Variants in NLGN1 observed in about 807,000 individuals in gnomAD.
NLGN1 encodes the protein neuroligin 1.
Under a neutral mutation model 65.5 loss-of-function variants are expected in NLGN1, and 12 were observed. That is an observed-to-expected ratio of 0.18 (90% confidence interval 0.12 to 0.30). NLGN1 has a LOEUF of 0.30. Ranked by LOEUF, NLGN1 falls within the 10% of genes least tolerant of loss-of-function variation. The pLI, the probability that NLGN1 is intolerant of heterozygous loss-of-function variation, is 1.00. For synonymous variants in NLGN1, 350 were observed against 359.5 expected, an observed-to-expected ratio of 0.97 and a Z score of 0.30; for missense variants, 750 against 1,007.1, an observed-to-expected ratio of 0.74 and a Z score of 3.46.
intron 3 of NLGN1, among the ~76,000 whole-genome samples, chr3:173,787,711 A>G (rs1191479361): frequency 6.6e-6 from 1 of 152,214 alleles, no homozygotes; most frequent in Non-Finnish European, 1.5e-5. Flanking sequence ...GCATGTTTAC[A>G]TTTTGAAGAT....
chr3:173,549,995 G>T (rs760983205), intron 2 of NLGN1, among the ~76,000 whole-genome samples: 3 of 152,016 alleles, frequency 2.0e-5, no homozygotes, highest in African/African-American at 7.2e-5. Context: ...AGAAGATGAC[G>T]AGGAGATTAT....
At chr3:173,489,430 T>C (rs369502423) in intron 2 of NLGN1, among the ~76,000 whole-genome samples, 8 of 152,282 alleles carry the variant, frequency 5.3e-5, no homozygotes, top group Non-Finnish European at 1.0e-4. Flanking sequence ...TTTTTTATGG[T>C]TGCATAGTAT....
At chr3:173,590,832 T>C (rs1373212615) in intron 2 of NLGN1, among the ~76,000 whole-genome samples, 2 of 152,148 alleles carry the variant, frequency 1.3e-5, no homozygotes, top group African/African-American at 4.8e-5. Context: ...CTGAGGCTTT[T>C]TAGTGATTTC....
At chr3:174,051,964 A>G (rs1258699970) in intron 4 of NLGN1, among the ~76,000 whole-genome samples, 2 of 147,296 alleles carry the variant, frequency 1.4e-5, no homozygotes, top group Non-Finnish European at 3.0e-5. Flanking sequence ...CTGTCTTTCT[A>G]GTACCAATAA....
In NLGN1 at chr3:174,279,160, G is replaced by A. The variant is rs371883605; in HGVS notation, c.1159G>A (p.Val387Met). Residue 387 changes from valine to methionine, a missense_variant, in exon 6 of 7, where the codon GTG (valine) becomes ATG (methionine). Val to Met is a conservative substitution (Grantham distance 21). Transcript: ENST00000457714. The surrounding 1 kb of genome is among the most constrained non-coding windows in gnomAD (Gnocchi z 4.7). ...TCTCAACTATGATATAATGTTAGGA[G>A]TGAACCAAGGGGAAGGGTTAAAATT... is the stretch of plus-strand genomic sequence containing the variant. The A allele has an allele frequency of 9.9e-6, 16 of 1,613,312 alleles. No individual in the cohort carries two copies. Among genetic ancestry groups the A allele is most frequent in the Non-Finnish European group, 1.4e-5 (16 of 1,179,584 alleles).
chr3:173,565,295 T>A (rs1405718682), intron 2 of NLGN1, among the ~76,000 whole-genome samples: 6 of 152,170 alleles, frequency 3.9e-5, no homozygotes, highest in Non-Finnish European at 8.8e-5. Context: ...ATGAAGTGAC[T>A]GTGAAGGCTA....
intron 3 of NLGN1, among the ~76,000 whole-genome samples, chr3:173,628,418 G>T (rs1356872515): frequency 1.3e-5 from 2 of 152,068 alleles, no homozygotes; most frequent in East Asian, 3.9e-4. Context: ...CACATGTGCA[G>T]AGGTATTGCA....
intron 4 of NLGN1, among the ~76,000 whole-genome samples, chr3:173,828,929 T>TG (rs1300707823): frequency 7.1e-6 from 1 of 141,314 alleles, no homozygotes; most frequent in African/African-American, 3.0e-5. Context: ...TTGTTGCTTT[T>TG]TGGGGGGGAT....
intron 2 of NLGN1, among the ~76,000 whole-genome samples, chr3:173,473,217 G>A (rs1725599089): frequency 6.6e-6 from 1 of 152,094 alleles, no homozygotes; most frequent in African/African-American, 2.4e-5. Context: ...CTCTGAATTT[G>A]TGAATTCAAG....
intron 1 of NLGN1, among the ~76,000 whole-genome samples, chr3:173,399,086 A>T (rs1717169537): frequency 6.6e-6 from 1 of 152,242 alleles, no homozygotes; most frequent in Non-Finnish European, 1.5e-5. Context: ...ATTAAATGTT[A>T]AATGCAAAAA....
At chr3:173,453,740 G>GT (rs1022343253) in intron 2 of NLGN1, among the ~76,000 whole-genome samples, 5 of 152,218 alleles carry the variant, frequency 3.3e-5, no homozygotes, top group African/African-American at 9.6e-5. Flanking sequence ...TTCTCTTGCT[G>GT]TTTTTACCAG....
chr3:174,105,107 T>C (rs1271503842), intron 4 of NLGN1, among the ~76,000 whole-genome samples: 1 of 152,094 alleles, frequency 6.6e-6, no homozygotes, highest in African/African-American at 2.4e-5. Flanking sequence ...TGCTTGTGTT[T>C]TGGCCAAGTA....
intron 4 of NLGN1, among the ~76,000 whole-genome samples, chr3:174,086,847 CA>C (rs1372146367): frequency 2.0e-5 from 3 of 151,948 alleles, no homozygotes; most frequent in Non-Finnish European, 4.4e-5. Flanking sequence ...GTGTTTGGCA[CA>C]GTTATTTTAT....
chr3:173,736,325 C>A lies in NLGN1; in HGVS notation c.494-71355C>A, dbSNP rs114176892. ...TAAGAAAGGAGGAAATTTTTCCCGT[C>A]CCCCACTCTCCTTCCACCAGTCCTA... is the stretch of plus-strand genomic sequence containing the variant. On this transcript the variant is annotated intron_variant, in intron 3 of 6. Transcript: ENST00000457714. Among the ~76,000 whole-genome samples, 652 of 152,118 alleles carry A rather than the reference C, an allele frequency of 4.3e-3. 3 individuals carry two copies. Among genetic ancestry groups the A allele is most frequent in the African/African-American group, 0.015 (610 of 41,512 alleles).
At chr3:173,934,465 C>T (rs1744692061) in intron 4 of NLGN1, among the ~76,000 whole-genome samples, 1 of 151,678 alleles carries the variant, frequency 6.6e-6, no homozygotes, top group Admixed American at 6.6e-5. Flanking sequence ...TTATTGACTG[C>T]ATGCAAACCA....
intron 4 of NLGN1, among the ~76,000 whole-genome samples, chr3:174,028,328 C>T (rs1231558062): frequency 6.6e-6 from 1 of 152,128 alleles, no homozygotes; most frequent in Non-Finnish European, 1.5e-5. Context: ...TGTTGAATGA[C>T]TTTGAAAAAA....
At chr3:174,055,490 G>C (rs764995729) in intron 4 of NLGN1, among the ~76,000 whole-genome samples, 1 of 152,030 alleles carries the variant, frequency 6.6e-6, no homozygotes, top group Non-Finnish European at 1.5e-5. Context: ...AGAATGTTGA[G>C]TCTCTGGCAG....
At position 174,158,512 on chromosome 3, in the gene NLGN1, T is replaced by G. The variant is rs116613553; in HGVS notation, c.647-116803T>G. On this transcript the variant is annotated intron_variant, in intron 4 of 6. Coordinates refer to ENST00000457714, the Ensembl canonical transcript of NLGN1. ...AAGTCATTGTGATATATAGCCTTAC[T>G]ACTCAGTGTTGTCTATGGATCAGAA... Among the ~76,000 whole-genome samples, 302 of 151,836 alleles carry G rather than the reference T, an allele frequency of 2.0e-3. 3 individuals carry two copies. Among genetic ancestry groups the G allele is most frequent in the African/African-American group, 7.0e-3 (289 of 41,522 alleles).
chr3:174,059,407 T>C (rs1450172285), intron 4 of NLGN1, among the ~76,000 whole-genome samples: 2 of 152,108 alleles, frequency 1.3e-5, no homozygotes, highest in Non-Finnish European at 2.9e-5. Context: ...GGTTTAAAAG[T>C]GAAACTGCTA....
Sources: gnomAD v4.1 joint callset for allele counts (sites outside exome capture counted in the v4.1 genomes callset) on GRCh38, gnomAD v4.1.1 for gene constraint, Gnocchi (gnomAD v3.1) non-coding constraint, MANE v1.5 for transcripts, NCBI Gene and HGNC (gene_info 2026-07-23, HGNC 2026-07-21) for gene names.